Variants in ASPH observed in about 807,000 individuals in gnomAD.
ASPH encodes aspartate beta-hydroxylase.
Under a neutral mutation model 118.4 loss-of-function variants are expected in ASPH, and 100 were observed. The observed-to-expected ratio is 0.84, with a 90% confidence interval of 0.72 to 1.00. The LOEUF is 1.00. Among genes scored for constraint, ASPH ranks in the 50% least tolerant of loss-of-function variants. ASPH has a pLI of 0.00. For synonymous variants in ASPH, 315 were observed against 325.6 expected (o/e 0.97, Z 0.35); for missense variants, 920 against 919.5 (o/e 1.00, Z -0.01).
At chr8:61,607,275 A>T (rs1196308517) in intron 14 of ASPH, 1 of 702,384 alleles carries the variant, frequency 1.4e-6, no homozygotes, top group African/African-American at 1.7e-5. Flanking sequence ...CTGAAGTCCC[A>T]GGACATGGTG....
At chr8:61,562,716 A>C (rs755619020) in intron 18 of ASPH, 28 bp downstream of exon 18, 1 of 1,560,762 alleles carries the variant, frequency 6.4e-7, no homozygotes, top group South Asian at 1.2e-5. Context: ...ACTTAATTTG[A>C]CGTAGTTAAT....
chr8:61,649,221 ATT>A (rs1042015482), intron 5 of ASPH, among the ~76,000 whole-genome samples: 1 of 152,144 alleles, frequency 6.6e-6, no homozygotes, highest in Admixed American at 6.5e-5. Flanking sequence ...TGCTGACAGG[ATT>A]TGCTGATGGA....
At chr8:61,660,407 C>A (rs1261765419) in intron 3 of ASPH, 1 of 152,124 alleles carries the variant, frequency 6.6e-6, no homozygotes, top group East Asian at 1.9e-4. Context: ...TTAGAGGACT[C>A]CAATTTTTCT....
At chr8:61,713,436 AAG>A (rs1838552812) in intron 1 of ASPH, among the ~76,000 whole-genome samples, 1 of 152,178 alleles carries the variant, frequency 6.6e-6, no homozygotes, top group Non-Finnish European at 1.5e-5. Context: ...TCAGAAAACA[AAG>A]AGTCTAAATC....
chr8:61,568,957 TC>T (rs776888538), intron 16 of ASPH, among the ~76,000 whole-genome samples: 22 of 152,042 alleles, frequency 1.4e-4, no homozygotes, highest in Non-Finnish European at 2.8e-4. Flanking sequence ...ACAGCATGCT[TC>T]CAAGGAGATG....
chr8:61,591,072 T>A (rs73265171), intron 14 of ASPH, among the ~76,000 whole-genome samples: 2 of 152,266 alleles, frequency 1.3e-5, no homozygotes, highest in African/African-American at 4.8e-5. Context: ...CCCACCTTCC[T>A]CCCTTGCTGG....
rs190390894 is a variant in ASPH, at chr8:61,633,456, T to C, written c.934+227A>G. On this transcript the variant is annotated intron_variant, in intron 13 of 24. Coordinates refer to ENST00000379454, the MANE Select transcript of ASPH (RefSeq NM_004318.4). ...TATAATGGCAAAATCATATGATCAT[T>C]AATGCTCCTCAAATTCTAGCTCAGC... The C allele has an allele frequency of 2.0e-3, 705 of 357,568 alleles. 8 individuals are homozygous for C. Among genetic ancestry groups the C allele is most frequent in the Non-Finnish European group, 3.5e-4 (68 of 194,922 alleles). The allele number at this position is 357,568 out of a possible 1,614,324, so 22.1% of individuals were successfully genotyped here.
intron 21 of ASPH, among the ~76,000 whole-genome samples, chr8:61,527,731 G>A (rs572859813): frequency 6.6e-6 from 1 of 152,144 alleles, no homozygotes; most frequent in African/African-American, 2.4e-5. Context: ...GGCAGGGCAG[G>A]TGAGGAGTGT....
intron 1 of ASPH, among the ~76,000 whole-genome samples, chr8:61,685,069 G>A (rs1829901624): frequency 6.6e-6 from 1 of 152,100 alleles, no homozygotes; most frequent in Admixed American, 6.5e-5. Flanking sequence ...TCCCATTTGT[G>A]TGGCAGGTAG....
chr8:61,528,626 G>A (rs1816394927), intron 21 of ASPH, among the ~76,000 whole-genome samples: 1 of 152,052 alleles, frequency 6.6e-6, no homozygotes, highest in African/African-American at 2.4e-5. Flanking sequence ...AGGGCACAAA[G>A]CCCTAGGGAA....
intron 23 of ASPH, 132 bp downstream of exon 23, chr8:61,517,900 T>C: frequency 1.8e-6 from 2 of 1,141,438 alleles, no homozygotes; most frequent in Admixed American, 2.3e-5. Context: ...CATAAAATTA[T>C]GTTTCAGTAA....
chr8:61,602,547 G>C (rs1844323774), intron 14 of ASPH, among the ~76,000 whole-genome samples: 1 of 151,358 alleles, frequency 6.6e-6, no homozygotes, highest in Admixed American at 6.6e-5. Flanking sequence ...TCAAGAAAAA[G>C]ACAAAGATGT....
intron 24 of ASPH, 38 bp downstream of exon 24, chr8:61,517,490 T>C: frequency 6.2e-6 from 10 of 1,604,872 alleles, no homozygotes; most frequent in Non-Finnish European, 8.5e-6. Flanking sequence ...TCTCATCCTC[T>C]GAGGTGACGG....
intron 21 of ASPH, among the ~76,000 whole-genome samples, chr8:61,540,671 G>A (rs189309826): frequency 6.6e-6 from 1 of 152,130 alleles, no homozygotes; most frequent in African/African-American, 2.4e-5. Context: ...ATAATTTCAA[G>A]GGCATACAGA....
In ASPH at chr8:61,526,046, G is replaced by T. The variant is rs1167412623; in HGVS notation, c.1831C>A (p.Leu611Ile). The T allele has an allele frequency of 1.2e-6, 2 of 1,614,044 alleles. No individual in the cohort carries two copies. Among genetic ancestry groups the T allele is most frequent in the East Asian group, 4.5e-5 (2 of 44,860 alleles). ...GLAVMDKAKG[L>I]FLPEDENLRE... ...AGGTTTTCATCCTCAGGCAGGAAGA[G>T]ACCTTTGGCTTTATCCATCACTGCA... Residue 611 changes from leucine to isoleucine, a missense_variant, in exon 22 of 25, where the codon CTC becomes ATC. Transcript: ENST00000379454.
intron 1 of ASPH, 39 bp downstream of exon 1, chr8:61,714,230 A>C: frequency 7.0e-7 from 1 of 1,438,432 alleles, no homozygotes; most frequent in Non-Finnish European, 9.1e-7. Flanking sequence ...CCCTACCCCG[A>C]GGCGAGGCCC....
chr8:61,714,504 T>A lies in ASPH; in HGVS notation c.-133A>T, dbSNP rs1190401325. 4 of 1,284,610 alleles carry A rather than the reference T, an allele frequency of 3.1e-6. No individual in the cohort carries two copies. The highest frequency in any genetic ancestry group is 3.7e-5 in the South Asian group (2 of 54,600). 79.6% of individuals were successfully genotyped at this position (1,284,610 alleles called of 1,614,324 possible). A position where few individuals can be genotyped will look rare whatever the true frequency, so the allele number is the denominator to read the frequency against. On this transcript the variant is annotated 5_prime_UTR_variant, in exon 1 of 25. Coordinates refer to ENST00000379454, the MANE Select transcript of ASPH (RefSeq NM_004318.4). ...GGGCCGCTGCTCCTGCAGCAGACCC[T>A]GTGCCTCAGCACCGCCTGCAGCACC...
rs1270078644 is a variant in ASPH, at chr8:61,501,098, C to CTAAT, written c.*2257_*2260dup. 2 of 152,000 alleles carry CTAAT rather than the reference C, an allele frequency of 1.3e-5. No individual in the cohort carries two copies. Among genetic ancestry groups the CTAAT allele is most frequent in the African/African-American group, 4.8e-5 (2 of 41,398 alleles). 9.4% of individuals were successfully genotyped at this position (152,000 alleles called of 1,614,324 possible). Reference sequence around the variant, plus strand: ...CAACTGTATCACAATATAAATTAAACTAATTCATTTTTGTGTAGACATACG... The same window carrying CTAAT: ...CAACTGTATCACAATATAAATTAAACTAATTAATTCATTTTTGTGTAGACATACG... On this transcript the variant is annotated 3_prime_UTR_variant, in exon 25 of 25. Transcript: ENST00000379454.
At chr8:61,655,609 G>A (rs1205132098) in intron 3 of ASPH, among the ~76,000 whole-genome samples, 1 of 152,152 alleles carries the variant, frequency 6.6e-6, no homozygotes, top group Non-Finnish European at 1.5e-5. Context: ...AAGTCATAAT[G>A]CTACGTGTTC....
Sources: allele counts gnomAD v4.1 joint callset (sites outside exome capture counted in the v4.1 genomes callset), GRCh38; gene constraint gnomAD v4.1.1; transcripts MANE v1.5; gene names NCBI Gene and HGNC (gene_info 2026-07-23, HGNC 2026-07-21).